The following SOS2 variants were observed in gnomAD, a reference collection of about 807,000 sequenced individuals.
The protein encoded by SOS2 is son of sevenless homolog 2.
Under a neutral mutation model 148.2 loss-of-function variants are expected in SOS2, and 65 were observed. That is an observed-to-expected ratio of 0.44 (90% CI 0.36 to 0.54). The LOEUF is 0.54. SOS2 is among the 20% of genes least tolerant of loss of function. SOS2 has a pLI of 0.00. For missense variants in SOS2, 1,341 were observed against 1,590.2 expected (o/e 0.84, Z 2.67); for synonymous variants, 539 against 537.1 (o/e 1.00, Z -0.05).
Position 50,130,743 on chromosome 14 carries a change from G to A in SOS2, c.3095C>T (p.Ser1032Phe). ...AGGCCTTATTCCAGGAGATTTTAAG[G>A]AAAAAGTTGATTTCCTAGGCTGAGA... ...PPRFPRKSTF[S>F]LKSPGIRPNT... The change falls in exon 20 of 23, where the codon TCC becomes TTC. Residue 1032 changes from serine to phenylalanine, a missense_variant. Physicochemically the swap from Ser to Phe is radical, Grantham distance 155. Transcript: ENST00000216373. 6.2e-7 allele frequency: 1 copy of A among 1,600,470 alleles called. No individual in the cohort carries two copies. Among genetic ancestry groups the A allele is most frequent in the South Asian group, 1.1e-5 (1 of 88,750 alleles).
chr14:50,160,224 T>A, intron 9 of SOS2, 138 bp from the exon 10 acceptor site: 2 of 657,288 alleles, frequency 3.0e-6, no homozygotes, highest in Non-Finnish European at 5.1e-6. Context: ...GTTCTAACTT[T>A]GCCACTAAAT....
chr14:50,149,894 T>G (rs934088557), intron 14 of SOS2, 114 bp downstream of exon 14: 2 of 749,354 alleles, frequency 2.7e-6, no homozygotes, highest in African/African-American at 1.7e-5. Flanking sequence ...TCTAAGCCCA[T>G]GAGAGTAGAT....
At chr14:50,227,922 A>T (rs1455628726) in intron 1 of SOS2, among the ~76,000 whole-genome samples, 1 of 152,210 alleles carries the variant, frequency 6.6e-6, no homozygotes, top group African/African-American at 2.4e-5. Flanking sequence ...GAAAATAAGC[A>T]AAAGAATACT....
chr14:50,189,529 T>C (rs968247806), intron 4 of SOS2, among the ~76,000 whole-genome samples: 8 of 152,050 alleles, frequency 5.3e-5, no homozygotes, highest in African/African-American at 1.2e-4. Flanking sequence ...ATCTAGCAAA[T>C]AGTAGGTATT....
At chr14:50,227,535 T>C (rs977044288) in intron 1 of SOS2, among the ~76,000 whole-genome samples, 8 of 152,164 alleles carry the variant, frequency 5.3e-5, no homozygotes, top group African/African-American at 1.9e-4. Flanking sequence ...TGCCTCAGCC[T>C]CCCGAGTAGC....
At chr14:50,209,982 T>A (rs12879254) in intron 1 of SOS2, among the ~76,000 whole-genome samples, 133,155 of 152,212 alleles carry the variant, frequency 0.87, 58,357 homozygotes, top group East Asian at 0.91. Context: ...CACAATCAAA[T>A]CCAAGCAGGT....
chr14:50,159,396 G>A, intron 10 of SOS2, 35 bp downstream of exon 10: 1 of 1,436,430 alleles, frequency 7.0e-7, no homozygotes, highest in Non-Finnish European at 9.4e-7. Context: ...TGGGTCCCAG[G>A]CCCTAGGTCA....
intron 8 of SOS2, among the ~76,000 whole-genome samples, chr14:50,164,074 T>C (rs1391889757): frequency 6.6e-6 from 1 of 152,208 alleles, no homozygotes; most frequent in Non-Finnish European, 1.5e-5. Flanking sequence ...TGAGATTTGA[T>C]AAACATCATA....
At chr14:50,175,962 A>G (rs1322714280) in intron 7 of SOS2, among the ~76,000 whole-genome samples, 1 of 152,252 alleles carries the variant, frequency 6.6e-6, no homozygotes, top group African/African-American at 2.4e-5. Context: ...CTAAAGATTA[A>G]TTCATTTTCA....
At chr14:50,159,371 T>A in intron 10 of SOS2, 60 bp downstream of exon 10, 2 of 1,125,132 alleles carry the variant, frequency 1.8e-6, no homozygotes, top group African/African-American at 1.5e-5. Context: ...TTTTTGAGCA[T>A]CCTTAAAAAG....
Position 50,212,557 on chromosome 14 carries a change from C to T in SOS2, c.88-8148G>A, listed in dbSNP as rs1352659227. On this transcript the variant is annotated intron_variant, in intron 1 of 22. Transcript: ENST00000216373. The stretch of plus-strand genomic sequence containing the variant: ...TCCTGAGAAAAGTGCTGACAATGTT[C>T]TGTCTTCTTACCTGAGTGTTAAATA... Among the ~76,000 whole-genome samples the T allele has an allele frequency of 2.0e-5, 3 of 152,226 alleles. No homozygotes were observed. The East Asian group carries it at 5.8e-4, about 29-fold the overall frequency.
intron 1 of SOS2, among the ~76,000 whole-genome samples, chr14:50,225,894 C>T (rs1887356248): frequency 6.6e-6 from 1 of 152,164 alleles, no homozygotes; most frequent in Non-Finnish European, 1.5e-5. Context: ...TAGCTTCATC[C>T]ACTTATTCTT....
chr14:50,159,795 T>A lies in SOS2; in HGVS notation c.1488A>T (p.Lys496Asn). The change falls in exon 10 of 23, where the codon AAA (lysine) becomes AAT (asparagine). Residue 496 changes from lysine (K) to asparagine (N), a missense_variant. Transcript: ENST00000216373. Reference sequence around the variant, plus strand: ...TATCTTCTTTATCACAAATTTGTATTTTCCTCATGACAAATTTTTCTTTTA... The same window carrying A: ...TATCTTCTTTATCACAAATTTGTATATTCCTCATGACAAATTTTTCTTTTA... ...YRLKEKFVMR[K>N]IQICDKEDTC... 1 of 1,614,178 alleles carries A rather than the reference T, an allele frequency of 6.2e-7. No homozygotes were observed. The highest frequency in any genetic ancestry group is 1.1e-5 in the South Asian group (1 of 91,090).
chr14:50,184,163 C>A (rs1218302298), intron 5 of SOS2, among the ~76,000 whole-genome samples: 1 of 152,138 alleles, frequency 6.6e-6, no homozygotes, highest in East Asian at 1.9e-4. Context: ...ACTAAAACAT[C>A]ATATGTGGCA....
chr14:50,222,959 T>A (rs1188284448), intron 1 of SOS2, among the ~76,000 whole-genome samples: 7 of 152,214 alleles, frequency 4.6e-5, no homozygotes, highest in Admixed American at 4.6e-4. Context: ...TATTTCAATA[T>A]TCCAGGAGAT....
At chr14:50,156,094 T>C (rs1187292039) in intron 12 of SOS2, 1 of 152,122 alleles carries the variant, frequency 6.6e-6, no homozygotes, top group Admixed American at 6.6e-5. Context: ...TGGTCAACAG[T>C]AATCAAGGAA....
chr14:50,144,513 C>T (rs1394394087), intron 16 of SOS2, among the ~76,000 whole-genome samples: 1 of 152,118 alleles, frequency 6.6e-6, no homozygotes, highest in Non-Finnish European at 1.5e-5. Flanking sequence ...TCTCAGCTCA[C>T]TGCAAATGCT....
chr14:50,118,103 T>A lies in SOS2; in HGVS notation c.*241A>T, dbSNP rs1274444567. On this transcript the variant is annotated 3_prime_UTR_variant, in exon 23 of 23. Transcript: ENST00000216373. Reference sequence around the variant, plus strand: ...TTACAGTGCAAATATAAATTCTTTATACTGGCCTTTTGGCAGCACTGAGGA... The same window carrying A: ...TTACAGTGCAAATATAAATTCTTTAAACTGGCCTTTTGGCAGCACTGAGGA... 2.2e-6 allele frequency: 1 copy of A among 456,174 alleles called. No homozygotes were observed. Among genetic ancestry groups the A allele is most frequent in the Non-Finnish European group, 3.9e-6 (1 of 258,516 alleles). The allele number at this position is 456,174 out of a possible 1,614,324, so 28.3% of individuals were successfully genotyped here. A position where few individuals can be genotyped will look rare whatever the true frequency, so the allele number is the denominator to read the frequency against.
In SOS2 at chr14:50,150,179, T is replaced by C. The variant is rs779410331; in HGVS notation, c.2213A>G (p.Lys738Arg). 1.2e-6 allele frequency: 2 copies of C among 1,613,622 alleles called. No individual in the cohort carries two copies. Among genetic ancestry groups the C allele is most frequent in the South Asian group, 1.1e-5 (1 of 91,058 alleles). Residue 738 changes from lysine to arginine, a missense_variant, in exon 14 of 23, where the codon AAG becomes AGG. By Grantham distance (26) the Lys-to-Arg change is conservative. This residue lies in a region of SOS2 where 408 missense variants were observed against 506.6 expected (regional missense o/e 0.81). Transcript: ENST00000216373. The part of the protein sequence containing the change: ...VESIAKIIRR[K>R]KQAQANGVSH... ...TACTCCGTTTGCCTGAGCTTGCTTCTTCCTCCTGATGATCTTAGCAATTGA... is the reference window on the plus strand; with the variant it reads ...TACTCCGTTTGCCTGAGCTTGCTTCCTCCTCCTGATGATCTTAGCAATTGA...
Sources: gnomAD v4.1 joint callset for allele counts (sites outside exome capture counted in the v4.1 genomes callset) on GRCh38, gnomAD v4.1.1 for gene constraint, gnomAD v4.1.1 regional missense constraint, MANE v1.5 for transcripts, NCBI Gene and HGNC (gene_info 2026-07-23, HGNC 2026-07-21) for gene names.